PCCA: variants seen among roughly 807,000 people sequenced by gnomAD.
The protein encoded by PCCA is propionyl-CoA carboxylase subunit alpha.
In PCCA, 74 loss-of-function variants were observed where a neutral mutation model predicts 101.3. The ratio of observed to expected loss-of-function variants is 0.73; its 90% CI spans 0.61 to 0.89. PCCA has a LOEUF of 0.89. PCCA is among the 40% of genes least tolerant of loss of function. The pLI, the probability that PCCA is intolerant of heterozygous loss-of-function variation, is 0.00. For synonymous variants in PCCA, 294 were observed against 313.6 expected (o/e 0.94, Z 0.66); for missense variants, 891 against 907.0 (o/e 0.98, Z 0.23).
At chr13:100,287,837 A>G (rs1693641927) in intron 12 of PCCA, among the ~76,000 whole-genome samples, 1 of 151,732 alleles carries the variant, frequency 6.6e-6, no homozygotes. Flanking sequence ...TCAAGAATTT[A>G]TTTTTTAGAG....
chr13:100,297,000 A>G (rs1415808330), intron 12 of PCCA, among the ~76,000 whole-genome samples: 1 of 152,156 alleles, frequency 6.6e-6, no homozygotes, highest in African/African-American at 2.4e-5. Flanking sequence ...TGTGATCTTA[A>G]CATTTTTTAA....
intron 1 of PCCA, among the ~76,000 whole-genome samples, chr13:100,101,417 T>C (rs541452739): frequency 1.3e-5 from 2 of 152,192 alleles, no homozygotes; most frequent in Non-Finnish European, 2.9e-5. Flanking sequence ...CTCACAGTTA[T>C]GCTTGAAGGA....
At chr13:100,096,333 A>G (rs1289565047) in intron 1 of PCCA, among the ~76,000 whole-genome samples, 1 of 152,156 alleles carries the variant, frequency 6.6e-6, no homozygotes, top group Non-Finnish European at 1.5e-5. Context: ...TATTGTAAAT[A>G]TTTTGGGGTG....
At chr13:100,252,796 C>G (rs1004854327) in intron 8 of PCCA, among the ~76,000 whole-genome samples, 5 of 152,226 alleles carry the variant, frequency 3.3e-5, no homozygotes, top group Non-Finnish European at 5.9e-5. Context: ...TTGTCTTTCT[C>G]TCTATCTCTG....
chr13:100,525,006 TAGATA>T (rs2087658584), intron 22 of PCCA, among the ~76,000 whole-genome samples: 2 of 151,514 alleles, frequency 1.3e-5, no homozygotes, highest in African/African-American at 4.9e-5. Context: ...GATAGATAGA[TAGATA>T]GATAGATAGA....
chr13:100,150,423 A>G (rs777530911), intron 4 of PCCA: 102 of 445,656 alleles, frequency 2.3e-4, no homozygotes, highest in Non-Finnish European at 3.2e-4. Flanking sequence ...GTATATGTTT[A>G]TTTATATTAT....
intron 6 of PCCA, among the ~76,000 whole-genome samples, chr13:100,206,893 G>A (rs910532399): frequency 2.0e-5 from 3 of 152,126 alleles, no homozygotes; most frequent in Non-Finnish European, 4.4e-5. Context: ...AGAAAAGGAC[G>A]CAGAGTAATC....
chr13:100,109,375 C>G (rs1041193048), intron 2 of PCCA, among the ~76,000 whole-genome samples: 1 of 152,186 alleles, frequency 6.6e-6, no homozygotes, highest in East Asian at 1.9e-4. Flanking sequence ...AATGACCATT[C>G]TGCTGCCTGA....
chr13:100,264,718 G>A (rs1158085879), intron 10 of PCCA, among the ~76,000 whole-genome samples: 2 of 152,100 alleles, frequency 1.3e-5, no homozygotes, highest in Non-Finnish European at 2.9e-5. Flanking sequence ...CTCTAGGATA[G>A]ACTGAGGAGA....
At chr13:100,444,568 G>A (rs1289727493) in intron 20 of PCCA, among the ~76,000 whole-genome samples, 4 of 149,954 alleles carry the variant, frequency 2.7e-5, no homozygotes, top group Non-Finnish European at 4.4e-5. Context: ...TCAGCCTCCC[G>A]AGTAGCTGGG....
At chr13:100,259,220 G>A (rs1182062792) in intron 9 of PCCA, among the ~76,000 whole-genome samples, 1 of 151,740 alleles carries the variant, frequency 6.6e-6, no homozygotes, top group Non-Finnish European at 1.5e-5. Context: ...ATCCTAAGGG[G>A]TGTCTTTTTC....
intron 19 of PCCA, among the ~76,000 whole-genome samples, chr13:100,405,981 G>A (rs1041923540): frequency 6.6e-6 from 1 of 151,900 alleles, no homozygotes; most frequent in Admixed American, 6.6e-5. Flanking sequence ...TGGCCAGGAT[G>A]GTCTCGATCT....
At chr13:100,285,364 C>A (rs149852085) in intron 12 of PCCA, among the ~76,000 whole-genome samples, 1 of 152,176 alleles carries the variant, frequency 6.6e-6, no homozygotes, top group South Asian at 2.1e-4. Flanking sequence ...TCTCTTTATA[C>A]GTCACAGAGA....
chr13:100,265,186 TTATAG>T (rs1191440713), intron 10 of PCCA, among the ~76,000 whole-genome samples: 2 of 152,234 alleles, frequency 1.3e-5, no homozygotes, highest in Non-Finnish European at 2.9e-5. Context: ...AAGTTCTGAA[TTATAG>T]TGAAGTCAAG....
intron 2 of PCCA, among the ~76,000 whole-genome samples, chr13:100,111,397 G>A (rs1000608599): frequency 6.6e-6 from 1 of 151,792 alleles, no homozygotes; most frequent in African/African-American, 2.4e-5. Context: ...TCCTGACCTC[G>A]TGATCCACCT....
At chr13:100,225,132 T>C (rs2060077443) in intron 7 of PCCA, among the ~76,000 whole-genome samples, 1 of 152,202 alleles carries the variant, frequency 6.6e-6, no homozygotes, top group Non-Finnish European at 1.5e-5. Flanking sequence ...ATTAGGATCC[T>C]CTTCTAATCC....
At chr13:100,378,847 TTG>T (rs1289561152) in intron 19 of PCCA, among the ~76,000 whole-genome samples, 1 of 152,196 alleles carries the variant, frequency 6.6e-6, no homozygotes. Context: ...TCTGATTTTT[TTG>T]TGTTGTTTTT....
intron 21 of PCCA, among the ~76,000 whole-genome samples, chr13:100,450,350 T>C (rs2081137197): frequency 6.6e-6 from 1 of 151,796 alleles, no homozygotes; most frequent in South Asian, 2.1e-4. Context: ...GCCACGATTG[T>C]GCCACTGCCC....
chr13:100,481,396 A>T (rs1209288407), intron 21 of PCCA, among the ~76,000 whole-genome samples: 1 of 152,118 alleles, frequency 6.6e-6, no homozygotes, highest in East Asian at 1.9e-4. Flanking sequence ...TGCCTCTACA[A>T]AAAACACAAA....
Sources: allele counts gnomAD v4.1 joint callset (sites outside exome capture counted in the v4.1 genomes callset), GRCh38; gene constraint gnomAD v4.1.1; transcripts MANE v1.5; gene names NCBI Gene and HGNC (gene_info 2026-07-23, HGNC 2026-07-21).